FNDC3B: variants seen among roughly 807,000 people sequenced by gnomAD.
FNDC3B encodes the protein fibronectin type III domain containing 3B, also known as fibronectin type III domain-containing protein 3B.
FNDC3B carries 12 observed loss-of-function variants against 151.5 expected under a neutral mutation model. The observed-to-expected ratio is 0.08, with a 90% CI of 0.05 to 0.13. The LOEUF (loss-of-function observed/expected upper bound fraction) is 0.13, where lower values mean the gene tolerates loss of function less well. Ranked by LOEUF, FNDC3B falls within the 10% of genes least tolerant of loss-of-function variation. The pLI, the probability that FNDC3B is intolerant of heterozygous loss-of-function variation, is 1.00. For missense variants in FNDC3B, 1,214 were observed against 1,505.3 expected (o/e 0.81, Z 3.20); for synonymous variants, 528 against 549.0 (o/e 0.96, Z 0.54).
At chr3:172,169,708 G>C (rs1723193842) in intron 3 of FNDC3B, among the ~76,000 whole-genome samples, 1 of 152,216 alleles carries the variant, frequency 6.6e-6, no homozygotes, top group Admixed American at 6.5e-5. Context: ...TTACCTACGA[G>C]TGAGTGAGAA....
intron 3 of FNDC3B, among the ~76,000 whole-genome samples, chr3:172,152,283 T>C (rs533667729): frequency 6.6e-6 from 1 of 152,326 alleles, no homozygotes; most frequent in African/African-American, 2.4e-5. Context: ...TAGACCTCTC[T>C]TAGAAGCCTC....
chr3:172,201,895 G>C (rs914579923), intron 3 of FNDC3B, among the ~76,000 whole-genome samples: 3 of 152,216 alleles, frequency 2.0e-5, no homozygotes, highest in Admixed American at 6.5e-5. Context: ...GTTATTTGCT[G>C]TGTTTTTGAA....
chr3:172,339,147 C>G (rs1011872615), intron 16 of FNDC3B, among the ~76,000 whole-genome samples: 1 of 152,112 alleles, frequency 6.6e-6, no homozygotes, highest in Non-Finnish European at 1.5e-5. Flanking sequence ...TTATTCTGTA[C>G]CATGAGAACC....
At chr3:172,229,266 A>T (rs1312841799) in intron 4 of FNDC3B, among the ~76,000 whole-genome samples, 1 of 152,194 alleles carries the variant, frequency 6.6e-6, no homozygotes, top group Non-Finnish European at 1.5e-5. Context: ...GTTCAGGTCT[A>T]GAGTTGGTTG....
chr3:172,209,212 C>T (rs1725596647), intron 3 of FNDC3B, among the ~76,000 whole-genome samples: 1 of 152,168 alleles, frequency 6.6e-6, no homozygotes, highest in South Asian at 2.1e-4. Flanking sequence ...GGTCCAGCAC[C>T]ACCACTGCTT....
At chr3:172,294,560 C>T (rs1730496866) in intron 7 of FNDC3B, among the ~76,000 whole-genome samples, 1 of 152,184 alleles carries the variant, frequency 6.6e-6, no homozygotes, top group Non-Finnish European at 1.5e-5. Context: ...AGGCCCTCCT[C>T]CAAGATTGGG....
intron 3 of FNDC3B, 84 bp downstream of exon 3, chr3:172,133,630 T>G (rs766795993): frequency 1.9e-5 from 18 of 965,694 alleles, no homozygotes; most frequent in Non-Finnish European, 2.9e-5. Flanking sequence ...TGTGTCTGCA[T>G]GTAATTTTCT....
chr3:172,139,913 G>T (rs1215114259), intron 3 of FNDC3B, among the ~76,000 whole-genome samples: 1 of 151,994 alleles, frequency 6.6e-6, no homozygotes, highest in East Asian at 1.9e-4. Flanking sequence ...TTCCCACCTT[G>T]GCCTCCCAAA....
At chr3:172,377,746 A>G (rs76507592) in intron 23 of FNDC3B, among the ~76,000 whole-genome samples, 4,491 of 152,216 alleles carry the variant, frequency 0.03, 103 homozygotes, top group Admixed American at 0.037. Flanking sequence ...AATCCTAAAT[A>G]TCTCCTTAGC....
chr3:172,127,471 C>T (rs913590958), intron 2 of FNDC3B, among the ~76,000 whole-genome samples: 7 of 152,146 alleles, frequency 4.6e-5, no homozygotes, highest in Admixed American at 4.6e-4. Flanking sequence ...CTTCAAGCCT[C>T]AGTTTCCCCA....
At chr3:172,329,298 T>C in intron 12 of FNDC3B, 1 of 435,964 alleles carries the variant, frequency 2.3e-6, no homozygotes, top group Non-Finnish European at 4.0e-6. Context: ...AAGGCCCCAC[T>C]AGGGGTCTCT....
In FNDC3B at chr3:172,343,072, G is replaced by A. The variant is rs1251987202; in HGVS notation, c.2033G>A (p.Arg678Lys). The change falls in exon 18 of 26, where the codon AGG (arginine) becomes AAG (lysine). Residue 678 changes from arginine (R) to lysine (K), a missense_variant. This residue lies in a region of FNDC3B where 380 missense variants were observed against 420.9 expected (regional missense o/e 0.90). Transcript: ENST00000415807. ...GCACCAGGTCAATGTCGACCACCGAGGGTTTTGGGTAGACCAAAGCACAAA... is the reference window on the plus strand; with the variant it reads ...GCACCAGGTCAATGTCGACCACCGAAGGTTTTGGGTAGACCAAAGCACAAA... ...SIAPGQCRPP[R>K]VLGRPKHKEV... 3.7e-6 allele frequency: 6 copies of A among 1,613,418 alleles called. No homozygotes were observed.
intron 6 of FNDC3B, among the ~76,000 whole-genome samples, chr3:172,269,043 C>G (rs1342268856): frequency 6.6e-6 from 1 of 152,154 alleles, no homozygotes. Flanking sequence ...TGAGCCATAG[C>G]ATTCGTGGAA....
At position 172,357,985 on chromosome 3, in the gene FNDC3B, T is replaced by C. The variant is rs546570324; in HGVS notation, c.2796-4648T>C. Among the ~76,000 whole-genome samples, 10 of 152,336 alleles carry C rather than the reference T, an allele frequency of 6.6e-5. No individual in the cohort carries two copies. The East Asian group carries it at 1.7e-3, about 26-fold the overall frequency. ...GCCTGCTTCCTTGGCAGACGGTCAA[T>C]GTTGAACTGAAAGTGTGGTTTGAAT... On this transcript the variant is annotated intron_variant, in intron 22 of 25. Transcript: ENST00000415807.
chr3:172,302,355 A>G (rs1055884023), intron 9 of FNDC3B: 32 of 152,018 alleles, frequency 2.1e-4, no homozygotes, highest in African/African-American at 7.7e-4. Flanking sequence ...CCACCAACTC[A>G]CTGTTACTGG....
chr3:172,246,770 T>C (rs1727798793), intron 4 of FNDC3B, among the ~76,000 whole-genome samples: 1 of 152,164 alleles, frequency 6.6e-6, no homozygotes, highest in Non-Finnish European at 1.5e-5. Flanking sequence ...TAAAAATAAA[T>C]AATGAACAAA....
At chr3:172,205,488 C>G (rs1029628964) in intron 3 of FNDC3B, among the ~76,000 whole-genome samples, 3 of 152,132 alleles carry the variant, frequency 2.0e-5, no homozygotes, top group African/African-American at 7.2e-5. Context: ...GGTGAGGAAA[C>G]CAAGGCACAG....
At chr3:172,351,114 A>G (rs1733831541) in intron 21 of FNDC3B, among the ~76,000 whole-genome samples, 1 of 152,234 alleles carries the variant, frequency 6.6e-6, no homozygotes, top group Non-Finnish European at 1.5e-5. Context: ...TAATCAGAGG[A>G]GTACTATATA....
At chr3:172,378,817 C>A (rs1183082922) in intron 24 of FNDC3B, among the ~76,000 whole-genome samples, 1 of 152,150 alleles carries the variant, frequency 6.6e-6, no homozygotes, top group African/African-American at 2.4e-5. Flanking sequence ...CTGACTTAGG[C>A]AACTTCAGCA....
Sources: gnomAD v4.1 joint callset for allele counts (sites outside exome capture counted in the v4.1 genomes callset) on GRCh38, gnomAD v4.1.1 for gene constraint, gnomAD v4.1.1 regional missense constraint, MANE v1.5 for transcripts, NCBI Gene and HGNC (gene_info 2026-07-23, HGNC 2026-07-21) for gene names.